The following PTGIR variants were observed in gnomAD, a reference collection of about 807,000 sequenced individuals.
PTGIR encodes prostacyclin receptor.
In PTGIR, 16 loss-of-function variants were observed where a neutral mutation model predicts 17.6. The observed-to-expected ratio is 0.91, with a 90% CI of 0.61 to 1.38. The LOEUF (loss-of-function observed/expected upper bound fraction) is 1.38, where lower values mean the gene tolerates loss of function less well. PTGIR is among the 40% of genes most tolerant of loss of function. The pLI, the probability that PTGIR is intolerant of heterozygous loss-of-function variation, is 0.00. For synonymous variants in PTGIR, 274 were observed against 255.4 expected, an observed-to-expected ratio of 1.07 and a Z score of -0.69; for missense variants, 532 against 548.6, an observed-to-expected ratio of 0.97 and a Z score of 0.30.
At chr19:46,619,023 A>G (rs1461733760), downstream of PTGIR, among the ~76,000 whole-genome samples, 1 of 152,242 alleles carries the variant, frequency 6.6e-6, no homozygotes, top group African/African-American at 2.4e-5. Flanking sequence ...TTTGCTTTTC[A>G]GAGGGAATTG....
downstream of PTGIR, among the ~76,000 whole-genome samples, chr19:46,617,350 C>T (rs899104776): frequency 3.9e-5 from 6 of 152,134 alleles, no homozygotes; most frequent in Non-Finnish European, 7.4e-5. Flanking sequence ...CCAAATCACC[C>T]CCGAGGGGCA....
downstream of PTGIR, among the ~76,000 whole-genome samples, chr19:46,619,549 G>GAA (rs768823157): frequency 0.058 from 4,083 of 69,826 alleles, 68 homozygotes; most frequent in Non-Finnish European, 0.072. Context: ...AAGAAAGAAA[G>GAA]AGAGAGAGAG....
At chr19:46,619,585 A>AG (rs1972020533), downstream of PTGIR, among the ~76,000 whole-genome samples, 10 of 127,066 alleles carry the variant, frequency 7.9e-5, no homozygotes, top group East Asian at 2.3e-4. Context: ...GAGAGAGAGA[A>AG]AGAAAGAAAA....
the PTGIR span, among the ~76,000 whole-genome samples, chr19:46,612,777 G>A: frequency 6.6e-6 from 1 of 152,106 alleles, no homozygotes. Flanking sequence ...AAAAATTCTG[G>A]TCTAGTAGTT....
At chr19:46,616,613 T>C (rs1474417247), downstream of PTGIR, among the ~76,000 whole-genome samples, 3 of 152,258 alleles carry the variant, frequency 2.0e-5, no homozygotes, top group East Asian at 5.8e-4. Context: ...ATTACAGGCA[T>C]GAGCCACCGC....
downstream of PTGIR, among the ~76,000 whole-genome samples, chr19:46,618,859 A>G (rs1438939936): frequency 6.6e-6 from 1 of 152,188 alleles, no homozygotes; most frequent in Non-Finnish European, 1.5e-5. Flanking sequence ...AAACGTGGTT[A>G]CCTGGGCAGG....
chr19:46,617,168 G>C (rs1012050824), downstream of PTGIR, among the ~76,000 whole-genome samples: 1 of 139,260 alleles, frequency 7.2e-6, no homozygotes, highest in Non-Finnish European at 1.6e-5. Context: ...AGGCCTGCAG[G>C]GGGGTGGGAG....
intron 2 of PTGIR, chr19:46,622,206 TC>T: frequency 1.0e-6 from 1 of 985,300 alleles, no homozygotes; most frequent in Non-Finnish European, 1.2e-6. Context: ...TCTGTGCCAC[TC>T]CCATTGGGGA....
intron 1 of PTGIR, 28 bp from the exon 2 acceptor site, chr19:46,624,265 G>A: frequency 7.1e-7 from 1 of 1,416,440 alleles, no homozygotes; most frequent in South Asian, 1.5e-5. Flanking sequence ...TGGGGGGTCA[G>A]AGGGAGCCAG....
downstream of PTGIR, among the ~76,000 whole-genome samples, chr19:46,619,286 A>G (rs2122308041): frequency 6.6e-6 from 1 of 152,070 alleles, no homozygotes; most frequent in Non-Finnish European, 1.5e-5. Context: ...TGAGGTCAGG[A>G]GTTCGAGACC....
downstream of PTGIR, among the ~76,000 whole-genome samples, chr19:46,619,854 T>G (rs1469136663): frequency 6.6e-6 from 1 of 151,818 alleles, no homozygotes; most frequent in Non-Finnish European, 1.5e-5. Flanking sequence ...GGACTGGCAG[T>G]GCAGTGGGGC....
downstream of PTGIR, among the ~76,000 whole-genome samples, chr19:46,619,654 A>AAAGAAAG (rs1263434350): frequency 2.2e-5 from 2 of 89,220 alleles, no homozygotes; most frequent in African/African-American, 4.1e-5. Flanking sequence ...AGAAAGAAAG[A>AAAGAAAG]AAAGAAAGAA....
At position 46,623,839 on chromosome 19, in the gene PTGIR, C is replaced by A; in HGVS notation, c.387G>T (p.Gln129His). The change falls in exon 2 of 3, where the codon CAG becomes CAT. Residue 129 changes from glutamine (Q) to histidine (H), a missense_variant. Coordinates refer to ENST00000291294, the MANE Select transcript of PTGIR (RefSeq NM_000960.4). ...GGCGGGCGCAGCGGGGCCCGTCCAG[C>A]TGCGCGTAGAGGTAGGGGTGGCTCA... ...LALSHPYLYA[Q>H]LDGPRCARLA... 1 of 1,608,346 alleles carries A rather than the reference C, an allele frequency of 6.2e-7. No individual in the cohort carries two copies. Among genetic ancestry groups the A allele is most frequent in the Non-Finnish European group, 8.5e-7 (1 of 1,178,386 alleles).
rs1408431043 is a variant in PTGIR at position 46,620,605 on chromosome 19, A to G, written c.*675T>C. On this transcript the variant is annotated 3_prime_UTR_variant, in exon 3 of 3. Transcript: ENST00000291294. Reference sequence around the variant, plus strand: ...CAGCTTCTCCATCTGTCTCCCCACCACCTGCACCCCCCCAGTTCTCATCTT... The same window carrying G: ...CAGCTTCTCCATCTGTCTCCCCACCGCCTGCACCCCCCCAGTTCTCATCTT... 2 of 978,380 alleles carry G rather than the reference A, an allele frequency of 2.0e-6. No individual in the cohort carries two copies. The highest frequency in any genetic ancestry group is 2.4e-6 in the Non-Finnish European group (2 of 827,046). 60.6% of individuals were successfully genotyped at this position (978,380 alleles called of 1,614,324 possible).
At chr19:46,619,497 A>AAAAG (rs1176986063), downstream of PTGIR, among the ~76,000 whole-genome samples, 450 of 110,494 alleles carry the variant, frequency 4.1e-3, 4 homozygotes, top group African/African-American at 7.5e-3. Context: ...TCTGTCTCAA[A>AAAAG]AAAGAAAGAA....
chr19:46,617,743 T>TG (rs375467320), downstream of PTGIR, among the ~76,000 whole-genome samples: 323 of 151,960 alleles, frequency 2.1e-3, no homozygotes, highest in African/African-American at 5.7e-3. Context: ...CATCCTCTGT[T>TG]GGGGGTAGGA....
In PTGIR at chr19:46,620,659, C is replaced by T. The variant is rs1037619951; in HGVS notation, c.*621G>A. ...GCCAGTCAAGCTAGGTGGAATGTCT[C>T]AGGCCCTTTTTGTACCAAGCACATG... On this transcript the variant is annotated 3_prime_UTR_variant, in exon 3 of 3. Coordinates refer to ENST00000291294, the MANE Select transcript of PTGIR (RefSeq NM_000960.4). 1 of 985,874 alleles carries T rather than the reference C, an allele frequency of 1.0e-6. No homozygotes were observed. The highest frequency in any genetic ancestry group is 6.1e-5 in the Admixed American group (1 of 16,262). The allele number at this position is 985,874 out of a possible 1,614,324, so 61.1% of individuals were successfully genotyped here.
At chr19:46,622,071 C>T (rs1424454192) in intron 2 of PTGIR, 3 of 985,280 alleles carry the variant, frequency 3.0e-6, no homozygotes, top group Non-Finnish European at 3.6e-6. Flanking sequence ...GTCAGAGTAA[C>T]CCCCAAAAAA....
chr19:46,619,178 ACCTGGACTCCGTCTTCTGTAG>A (rs1568674957), downstream of PTGIR, among the ~76,000 whole-genome samples: 3 of 151,946 alleles, frequency 2.0e-5, no homozygotes, highest in Non-Finnish European at 4.4e-5. Context: ...TCATCTCTGG[ACCTGGACTCCGTCTTCTGTAG>A]AAAGGACTTA....
Sources: allele counts gnomAD v4.1 joint callset (sites outside exome capture counted in the v4.1 genomes callset), GRCh38; gene constraint gnomAD v4.1.1; transcripts MANE v1.5; gene names NCBI Gene and HGNC (gene_info 2026-07-23, HGNC 2026-07-21).